The following FSTL4 variants were observed in gnomAD, a reference collection of about 807,000 sequenced individuals.
FSTL4 encodes the protein follistatin-related protein 4.
A neutral mutation model predicts 78.2 loss-of-function variants in FSTL4; 28 were observed. That is an observed-to-expected ratio of 0.36 (90% confidence interval 0.27 to 0.49). FSTL4 has a LOEUF of 0.49. Among genes scored for constraint, FSTL4 ranks in the 20% least tolerant of loss-of-function variants. FSTL4 has a pLI of 0.98. For missense variants in FSTL4, 922 were observed against 1,084.9 expected (o/e 0.85, Z 2.11); for synonymous variants, 422 against 440.5 (o/e 0.96, Z 0.53).
At chr5:133,471,678 G>T (rs150521167) in intron 3 of FSTL4, among the ~76,000 whole-genome samples, 1 of 152,184 alleles carries the variant, frequency 6.6e-6, no homozygotes, top group Non-Finnish European at 1.5e-5. Context: ...ATGCGATTTT[G>T]TTATAGTAGC....
the FSTL4 span, among the ~76,000 whole-genome samples, chr5:133,754,692 T>G: frequency 6.6e-6 from 1 of 152,076 alleles, no homozygotes; most frequent in Non-Finnish European, 1.5e-5. Context: ...GAGACCATGG[T>G]CAAAATACCT....
intron 15 of FSTL4, among the ~76,000 whole-genome samples, chr5:133,201,388 G>T (rs976391732): frequency 6.6e-6 from 1 of 152,166 alleles, no homozygotes; most frequent in African/African-American, 2.4e-5. Context: ...CTCGTTGTGG[G>T]CTCCCCACAC....
At chr5:133,357,356 C>T (rs986088279) in intron 4 of FSTL4, among the ~76,000 whole-genome samples, 3 of 152,150 alleles carry the variant, frequency 2.0e-5, no homozygotes, top group African/African-American at 7.2e-5. Context: ...TCCCTCTCTT[C>T]TGCCCCCAAG....
At position 133,611,354 on chromosome 5, in the gene FSTL4, A is replaced by G. The variant is rs530025644; in HGVS notation, c.-11+971T>C. Among the ~76,000 whole-genome samples the G allele has an allele frequency of 4.7e-4, 72 of 152,276 alleles. No homozygotes were observed. Among genetic ancestry groups the G allele is most frequent in the African/African-American group, 1.6e-3 (67 of 41,576 alleles). ...CAAGAGTTGCGGGCACAAAGTCCTCAGGTGGCAGGCCTGGGGTTGGCGCCG... is the reference window on the plus strand; with the variant it reads ...CAAGAGTTGCGGGCACAAAGTCCTCGGGTGGCAGGCCTGGGGTTGGCGCCG... On this transcript the variant is annotated intron_variant, in intron 1 of 15. Transcript: ENST00000265342. The surrounding 1 kb of genome is among the most constrained non-coding windows in gnomAD (Gnocchi z 4.9).
At chr5:133,371,249 C>T (rs1480845522) in intron 4 of FSTL4, among the ~76,000 whole-genome samples, 1 of 152,238 alleles carries the variant, frequency 6.6e-6, no homozygotes, top group Non-Finnish European at 1.5e-5. Flanking sequence ...CACTCCGAGA[C>T]TCTGACCACG....
chr5:133,258,748 G>A (rs953378786), intron 6 of FSTL4, among the ~76,000 whole-genome samples: 1 of 152,172 alleles, frequency 6.6e-6, no homozygotes, highest in African/African-American at 2.4e-5. Context: ...CTACACTACT[G>A]AGATTTTGGG....
intron 12 of FSTL4, 80 bp downstream of exon 12, chr5:133,220,668 A>C: frequency 1.2e-6 from 1 of 812,286 alleles, no homozygotes; most frequent in Non-Finnish European, 2.2e-6. Context: ...TAGAAATCAA[A>C]TGGCATGCCT....
chr5:133,524,508 A>T (rs997344032), intron 3 of FSTL4, among the ~76,000 whole-genome samples: 3 of 152,168 alleles, frequency 2.0e-5, no homozygotes, highest in Non-Finnish European at 4.4e-5. Context: ...ACTTTGCCTC[A>T]TTCAAGATGC....
chr5:133,334,455 T>C (rs1754420310), intron 4 of FSTL4, among the ~76,000 whole-genome samples: 1 of 152,074 alleles, frequency 6.6e-6, no homozygotes, highest in Non-Finnish European at 1.5e-5. Flanking sequence ...TGGGTATGCT[T>C]GGGTGGGTCA....
At chr5:133,518,874 C>T (rs1442989843) in intron 3 of FSTL4, among the ~76,000 whole-genome samples, 1 of 152,096 alleles carries the variant, frequency 6.6e-6, no homozygotes, top group Non-Finnish European at 1.5e-5. Context: ...AATTTAAAAT[C>T]GTTCTTAAAA....
the FSTL4 span, among the ~76,000 whole-genome samples, chr5:133,724,070 G>A: frequency 6.6e-6 from 1 of 152,224 alleles, no homozygotes; most frequent in Admixed American, 6.5e-5. Context: ...CCCCAGCAGT[G>A]GCTCCCACTC....
the FSTL4 span, among the ~76,000 whole-genome samples, chr5:133,710,455 T>G: frequency 1.3e-5 from 2 of 152,198 alleles, no homozygotes; most frequent in African/African-American, 4.8e-5. Context: ...CATCCCAGTT[T>G]GGATGATAAC....
At chr5:133,302,216 G>A (rs965706503) in intron 6 of FSTL4, among the ~76,000 whole-genome samples, 1 of 152,042 alleles carries the variant, frequency 6.6e-6, no homozygotes, top group African/African-American at 2.4e-5. Context: ...CTGAACATAT[G>A]GCCGTTACAT....
At chr5:133,461,835 T>C (rs1174042866) in intron 3 of FSTL4, among the ~76,000 whole-genome samples, 1 of 152,138 alleles carries the variant, frequency 6.6e-6, no homozygotes, top group African/African-American at 2.4e-5. Context: ...CCAACACATT[T>C]AAAAAGAAAA....
chr5:133,387,769 C>T (rs906363078), intron 4 of FSTL4: 5 of 152,192 alleles, frequency 3.3e-5, no homozygotes, highest in African/African-American at 1.2e-4. Flanking sequence ...TTTTCTTCCA[C>T]TTCAGTTGTA....
chr5:133,790,260 G>C, the FSTL4 span, among the ~76,000 whole-genome samples: 1 of 152,194 alleles, frequency 6.6e-6, no homozygotes, highest in African/African-American at 2.4e-5. Context: ...AGACCTATGT[G>C]AAAATCCTGG....
the FSTL4 span, among the ~76,000 whole-genome samples, chr5:133,664,717 T>C: frequency 3.3e-5 from 5 of 152,236 alleles, no homozygotes; most frequent in African/African-American, 1.2e-4. Context: ...GCTATCATAG[T>C]TATAGCTCCC....
At chr5:133,787,339 C>T in the FSTL4 span, among the ~76,000 whole-genome samples, 2 of 152,170 alleles carry the variant, frequency 1.3e-5, no homozygotes, top group African/African-American at 4.8e-5. Flanking sequence ...ACAGGGACTG[C>T]CTTCAACTGG....
chr5:133,512,745 C>T (rs967975651), intron 3 of FSTL4, among the ~76,000 whole-genome samples: 1 of 152,140 alleles, frequency 6.6e-6, no homozygotes, highest in African/African-American at 2.4e-5. Flanking sequence ...GCATATGATG[C>T]TGCAGTAGCC....
Sources: gnomAD v4.1 joint callset for allele counts (sites outside exome capture counted in the v4.1 genomes callset) on GRCh38, gnomAD v4.1.1 for gene constraint, Gnocchi (gnomAD v3.1) non-coding constraint, MANE v1.5 for transcripts, NCBI Gene and HGNC (gene_info 2026-07-23, HGNC 2026-07-21) for gene names.